SGCD: variants seen among roughly 807,000 people sequenced by gnomAD.
The protein encoded by SGCD is sarcoglycan delta.
In SGCD, 18 loss-of-function variants were observed where a neutral mutation model predicts 36.6. The observed-to-expected ratio is 0.49, with a 90% CI of 0.34 to 0.73. The LOEUF (loss-of-function observed/expected upper bound fraction) is 0.73, where lower values mean the gene tolerates loss of function less well. Ranked by LOEUF, SGCD falls within the 30% of genes least tolerant of loss-of-function variation. SGCD has a pLI of 0.01. For synonymous variants in SGCD, 133 were observed against 130.6 expected (o/e 1.02, Z -0.12); for missense variants, 387 against 346.7 (o/e 1.12, Z -0.92).
chr5:156,422,221 G>A (rs1773342572), intron 3 of SGCD, among the ~76,000 whole-genome samples: 1 of 151,986 alleles, frequency 6.6e-6, no homozygotes, highest in South Asian at 2.1e-4. Context: ...TGTTGTATAA[G>A]GCAAAACCAA....
intron 3 of SGCD, among the ~76,000 whole-genome samples, chr5:156,142,419 T>G (rs139866954): frequency 5.1e-4 from 77 of 152,330 alleles, no homozygotes; most frequent in Middle Eastern, 6.8e-3. Context: ...GTAGCAGCTT[T>G]GGAACTAGGT....
At chr5:156,019,086 A>G (rs1274186129) in intron 1 of SGCD, among the ~76,000 whole-genome samples, 1 of 152,222 alleles carries the variant, frequency 6.6e-6, no homozygotes, top group Non-Finnish European at 1.5e-5. Flanking sequence ...TCCCTAGCTC[A>G]ATCTAATTTG....
intron 3 of SGCD, among the ~76,000 whole-genome samples, chr5:156,366,927 G>A (rs2127736200): frequency 1.3e-5 from 2 of 152,288 alleles, no homozygotes; most frequent in South Asian, 4.1e-4. Flanking sequence ...GAATGTTTTA[G>A]TCAGATAAAT....
chr5:156,125,420 C>T (rs140498784), intron 3 of SGCD, among the ~76,000 whole-genome samples: 5 of 151,724 alleles, frequency 3.3e-5, no homozygotes, highest in African/African-American at 9.7e-5. Context: ...CATGAATGGG[C>T]CTTCCTTTGA....
chr5:156,685,755 T>A (rs157671), intron 7 of SGCD, among the ~76,000 whole-genome samples: 8,233 of 152,290 alleles, frequency 0.054, 604 homozygotes, highest in East Asian at 0.16. Flanking sequence ...ACTTAACAAA[T>A]GTTTAGTGAA....
intron 7 of SGCD, among the ~76,000 whole-genome samples, chr5:156,693,613 G>A (rs1243392601): frequency 2.0e-5 from 3 of 152,144 alleles, no homozygotes; most frequent in African/African-American, 4.8e-5. Context: ...GTTCAACATA[G>A]TGTAGTGATG....
chr5:156,181,630 CT>C (rs1763609390), intron 3 of SGCD, among the ~76,000 whole-genome samples: 1 of 152,136 alleles, frequency 6.6e-6, no homozygotes, highest in Non-Finnish European at 1.5e-5. Flanking sequence ...GGCAGTAGGG[CT>C]GGCAGTTAAA....
chr5:156,258,128 T>C lies in SGCD; in HGVS notation c.-43-71406T>C, dbSNP rs145601324. ...AAGCTTGTCACTTTAAGGAAAATCA[T>C]GTTTGTTGTCAGTGACACAATTTGA... On this transcript the variant is annotated intron_variant, in intron 3 of 9. Coordinates refer to the SGCD transcript ENST00000517913. 5.5e-4 allele frequency among the ~76,000 whole-genome samples: 84 copies of C among 152,294 alleles called. 1 individual carries two copies. The Middle Eastern group carries it at 0.024, about 43-fold the overall frequency.
intron 1 of SGCD, among the ~76,000 whole-genome samples, chr5:155,959,311 A>G (rs1757738284): frequency 6.6e-6 from 1 of 152,154 alleles, no homozygotes; most frequent in Admixed American, 6.6e-5. Context: ...GGGCCAGTGC[A>G]GAGCTGTCTC....
intron 3 of SGCD, among the ~76,000 whole-genome samples, chr5:156,134,671 G>A (rs1362986181): frequency 7.1e-6 from 1 of 141,304 alleles, no homozygotes; most frequent in East Asian, 2.3e-4. Context: ...ACAGGGTGGG[G>A]AACATCACAC....
the SGCD span, among the ~76,000 whole-genome samples, chr5:155,743,761 C>A: frequency 6.6e-6 from 1 of 152,156 alleles, no homozygotes. Flanking sequence ...GAACTGAAGC[C>A]AAAGTGGGAA....
At chr5:155,897,856 G>A (rs1348927142) in intron 1 of SGCD, among the ~76,000 whole-genome samples, 1 of 152,120 alleles carries the variant, frequency 6.6e-6, no homozygotes, top group Non-Finnish European at 1.5e-5. Flanking sequence ...ATGTCATCAT[G>A]CAGCACATGA....
intron 3 of SGCD, among the ~76,000 whole-genome samples, chr5:156,435,994 A>C (rs1359539753): frequency 1.3e-5 from 2 of 152,132 alleles, no homozygotes; most frequent in Non-Finnish European, 2.9e-5. Context: ...TAGCTCTCCC[A>C]AGTTCCCAGA....
At chr5:156,324,598 G>A (rs1437746914), upstream of SGCD, among the ~76,000 whole-genome samples, 1 of 152,174 alleles carries the variant, frequency 6.6e-6, no homozygotes, top group Non-Finnish European at 1.5e-5. Flanking sequence ...ATTGAAATGA[G>A]CCACATAACA....
Position 156,192,447 on chromosome 5 carries a change from A to G in SGCD, c.-44+68428A>G, listed in dbSNP as rs552692846. ...TGATCTCATGGTGATAGAGAGTAGA[A>G]TGATAGATACCAAAGGCTGGGAAGT... On this transcript the variant is annotated intron_variant, in intron 3 of 9. Coordinates refer to the SGCD transcript ENST00000517913. Among the ~76,000 whole-genome samples the G allele has an allele frequency of 5.9e-5, 9 of 152,246 alleles. No individual in the cohort carries two copies. The South Asian group carries it at 1.9e-3, about 32-fold the overall frequency.
intron 4 of SGCD, among the ~76,000 whole-genome samples, chr5:156,584,108 A>G (rs907776459): frequency 6.6e-6 from 1 of 152,236 alleles, no homozygotes; most frequent in African/African-American, 2.4e-5. Flanking sequence ...AAAGAACAGC[A>G]TGGGCAATAT....
chr5:156,241,381 G>GTATTAGAGAA (rs1354345416), intron 3 of SGCD, among the ~76,000 whole-genome samples: 1 of 151,988 alleles, frequency 6.6e-6, no homozygotes, highest in Non-Finnish European at 1.5e-5. Context: ...TTTAATTCCA[G>GTATTAGAGAA]TATTAGAGAA....
chr5:156,252,328 C>T (rs562769075), intron 3 of SGCD, among the ~76,000 whole-genome samples: 7 of 152,176 alleles, frequency 4.6e-5, no homozygotes, highest in South Asian at 4.2e-4. Context: ...CCACCCACCT[C>T]GGCCTCCCAA....
intron 1 of SGCD, among the ~76,000 whole-genome samples, chr5:155,880,211 A>G (rs1332765213): frequency 1.3e-5 from 2 of 152,182 alleles, no homozygotes; most frequent in African/African-American, 4.8e-5. Context: ...TACATCAGCC[A>G]TCTAAATGGA....
Sources: allele counts gnomAD v4.1 joint callset (sites outside exome capture counted in the v4.1 genomes callset), GRCh38; gene constraint gnomAD v4.1.1; transcripts MANE v1.5; gene names NCBI Gene and HGNC (gene_info 2026-07-23, HGNC 2026-07-21).